The following VPS26A variants were observed in gnomAD, a reference collection of about 807,000 sequenced individuals.
The protein encoded by VPS26A is VPS26 retromer complex component A.
In VPS26A, 22 loss-of-function variants were observed where a neutral mutation model predicts 42.4. The ratio of observed to expected loss-of-function variants is 0.52; its 90% CI spans 0.37 to 0.74. The LOEUF is 0.74. Among genes scored for constraint, VPS26A ranks in the 30% least tolerant of loss-of-function variants. The pLI is 0.00. For synonymous variants in VPS26A, 110 were observed against 123.5 expected, an observed-to-expected ratio of 0.89 and a Z score of 0.73; for missense variants, 276 against 379.2, an observed-to-expected ratio of 0.73 and a Z score of 2.26.
At chr10:69,164,070 T>C (rs951764046) in intron 6 of VPS26A, among the ~76,000 whole-genome samples, 1 of 152,026 alleles carries the variant, frequency 6.6e-6, no homozygotes, top group African/African-American at 2.4e-5. Context: ...CCCGGCCTAA[T>C]TTTCAGTTTT....
chr10:69,131,982 G>C (rs1435415435), intron 1 of VPS26A, among the ~76,000 whole-genome samples: 1 of 152,122 alleles, frequency 6.6e-6, no homozygotes, highest in African/African-American at 2.4e-5. Flanking sequence ...AGGATTTATA[G>C]AACAAGGCTT....
intron 2 of VPS26A, among the ~76,000 whole-genome samples, chr10:69,147,375 G>A (rs1355380811): frequency 6.6e-6 from 1 of 151,672 alleles, no homozygotes; most frequent in African/African-American, 2.4e-5. Context: ...CACTTTCTTG[G>A]TGTCTTTTGC....
At chr10:69,165,109 G>A (rs1054966393) in intron 6 of VPS26A, among the ~76,000 whole-genome samples, 7 of 151,928 alleles carry the variant, frequency 4.6e-5, no homozygotes, top group African/African-American at 1.7e-4. Context: ...TGTATTTTTA[G>A]TAGAGACGGG....
chr10:69,165,717 G>A (rs1022420074), intron 6 of VPS26A, among the ~76,000 whole-genome samples: 1 of 152,060 alleles, frequency 6.6e-6, no homozygotes, highest in Non-Finnish European at 1.5e-5. Flanking sequence ...GGCTTAGGTG[G>A]GAAGATTGCT....
intron 1 of VPS26A, among the ~76,000 whole-genome samples, chr10:69,131,732 CA>C (rs141395294): frequency 2.7e-5 from 4 of 147,504 alleles, no homozygotes; most frequent in African/African-American, 5.0e-5. Flanking sequence ...GACTCTGTCT[CA>C]AAAAAAAAAT....
At chr10:69,125,748 G>C (rs1043048047) in intron 1 of VPS26A, among the ~76,000 whole-genome samples, 3 of 152,146 alleles carry the variant, frequency 2.0e-5, no homozygotes, top group African/African-American at 7.2e-5. Flanking sequence ...CTGTTTCATT[G>C]CTTGTGTATG....
intron 2 of VPS26A, among the ~76,000 whole-genome samples, chr10:69,142,375 T>A (rs996170187): frequency 1.3e-5 from 2 of 151,342 alleles, no homozygotes; most frequent in Non-Finnish European, 2.9e-5. Flanking sequence ...TTTTTTTTTT[T>A]TATAGATAGG....
Position 69,124,244 on chromosome 10 carries a change from G to A in VPS26A, c.-34G>A, listed in dbSNP as rs779594077. ...TGGGAGTTCTCCTGAGGGAAGAGGA[G>A]TGGAGTAGGGGGGACGCGGCGGCGG... is the stretch of plus-strand genomic sequence containing the variant. On this transcript the variant is annotated 5_prime_UTR_variant, in exon 1 of 9. The change creates a new upstream start codon in the 5' untranslated region. Coordinates refer to ENST00000263559, the MANE Select transcript of VPS26A (RefSeq NM_004896.5). 6.2e-6 allele frequency: 8 copies of A among 1,285,336 alleles called. No homozygotes were observed. Among genetic ancestry groups the A allele is most frequent in the Non-Finnish European group, 7.9e-6 (8 of 1,010,944 alleles). The allele number at this position is 1,285,336 out of a possible 1,614,324, so 79.6% of individuals were successfully genotyped here.
At chr10:69,164,203 A>G (rs945370465) in intron 6 of VPS26A, among the ~76,000 whole-genome samples, 2 of 150,866 alleles carry the variant, frequency 1.3e-5, no homozygotes, top group Non-Finnish European at 2.9e-5. Flanking sequence ...TATATATTAG[A>G]GAAATCAATC....
At chr10:69,147,743 C>T (rs886366377) in intron 2 of VPS26A, among the ~76,000 whole-genome samples, 3 of 151,900 alleles carry the variant, frequency 2.0e-5, no homozygotes, top group South Asian at 4.1e-4. Context: ...TGACAGAGTC[C>T]TGCTCTGTCG....
At position 69,157,035 on chromosome 10, in the gene VPS26A, T is replaced by C. The variant is rs750750907; in HGVS notation, c.258T>C (p.His86=). 11 of 1,612,134 alleles carry C rather than the reference T, an allele frequency of 6.8e-6. No individual in the cohort carries two copies. In the East Asian group the frequency reaches 2.5e-4, roughly 36 times the overall value. The part of the protein sequence containing the change: ...IELFNDKSNT[H]EFVNLVKELA... ...TTTTCAATGACAAGAGTAATACTCA[T>C]GAATTTGTAAACCTAGTGAAAGAAC... Residue 86 remains histidine, a synonymous_variant, in exon 4 of 9, where the codon CAT becomes CAC. Transcript: ENST00000263559.
chr10:69,149,422 G>A (rs1841240793), intron 2 of VPS26A, among the ~76,000 whole-genome samples: 2 of 152,146 alleles, frequency 1.3e-5, no homozygotes, highest in African/African-American at 2.4e-5. Flanking sequence ...TGATGATTGA[G>A]GAATGTTCTA....
intron 7 of VPS26A, 147 bp downstream of exon 7, chr10:69,166,257 G>T: frequency 1.4e-6 from 1 of 701,578 alleles, no homozygotes; most frequent in Non-Finnish European, 2.3e-6. Context: ...TTGTACAGCT[G>T]CAAAGAAGAC....
chr10:69,153,446 G>A (rs1841364915), intron 2 of VPS26A, among the ~76,000 whole-genome samples: 1 of 151,796 alleles, frequency 6.6e-6, no homozygotes, highest in African/African-American at 2.4e-5. Context: ...TAGGGTCAAA[G>A]GCTCCTCCTG....
chr10:69,146,428 T>C (rs531626935), intron 2 of VPS26A, among the ~76,000 whole-genome samples: 1 of 152,334 alleles, frequency 6.6e-6, no homozygotes, highest in East Asian at 1.9e-4. Context: ...AAATATATAT[T>C]ACATAAAATT....
intron 6 of VPS26A, among the ~76,000 whole-genome samples, chr10:69,163,085 T>C (rs1296753247): frequency 2.6e-5 from 4 of 152,256 alleles, no homozygotes; most frequent in East Asian, 1.9e-4. Context: ...TAGAGAACTT[T>C]CCATAACAAT....
At chr10:69,146,345 A>C (rs1482054095) in intron 2 of VPS26A, among the ~76,000 whole-genome samples, 3 of 152,296 alleles carry the variant, frequency 2.0e-5, no homozygotes, top group Non-Finnish European at 4.4e-5. Flanking sequence ...TCGGTTTCCC[A>C]AAGTGCTGGA....
intron 3 of VPS26A, among the ~76,000 whole-genome samples, chr10:69,156,417 A>C (rs1841430508): frequency 6.6e-6 from 1 of 152,122 alleles, no homozygotes; most frequent in Non-Finnish European, 1.5e-5. Flanking sequence ...ATCTTTCTAT[A>C]CTGAAGATTC....
In VPS26A at chr10:69,133,027, G is replaced by A. The variant is rs1461148219; in HGVS notation, c.133G>A (p.Gly45Arg). ...KVEKHYLFYD[G>R]ESVSGKVNLA... ...AGAAAAACACTATCTCTTCTATGAC[G>A]GAGAATCCGTTTCAGGAAAGGTAAA... The change falls in exon 2 of 9, where the codon GGA (glycine) becomes AGA (arginine). Residue 45 changes from glycine to arginine, a missense_variant. Gly to Arg is a moderately radical substitution (Grantham distance 125). Coordinates refer to ENST00000263559, the MANE Select transcript of VPS26A (RefSeq NM_004896.5). 3.1e-6 allele frequency: 5 copies of A among 1,603,888 alleles called. No homozygotes were observed. The highest frequency in any genetic ancestry group is 1.8e-5 in the Admixed American group (1 of 56,816).
Sources: gnomAD v4.1 joint callset for allele counts (sites outside exome capture counted in the v4.1 genomes callset) on GRCh38, gnomAD v4.1.1 for gene constraint, MANE v1.5 for transcripts, NCBI Gene and HGNC (gene_info 2026-07-23, HGNC 2026-07-21) for gene names.